Variants in SH3PXD2A observed in about 807,000 individuals in gnomAD.
The protein encoded by SH3PXD2A is SH3 and PX domains 2A, also known as SH3 and PX domain-containing protein 2A.
A neutral mutation model predicts 115.2 loss-of-function variants in SH3PXD2A; 32 were observed. The observed-to-expected ratio is 0.28, with a 90% CI of 0.21 to 0.37. The LOEUF (loss-of-function observed/expected upper bound fraction) is 0.37, where lower values mean the gene tolerates loss of function less well. Among genes scored for constraint, SH3PXD2A ranks in the 10% least tolerant of loss-of-function variants. The pLI, the probability that SH3PXD2A is intolerant of heterozygous loss-of-function variation, is 1.00. For missense variants in SH3PXD2A, 1,328 were observed against 1,498.7 expected (o/e 0.89, Z 1.88); for synonymous variants, 610 against 629.1 (o/e 0.97, Z 0.45).
intron 8 of SH3PXD2A, among the ~76,000 whole-genome samples, chr10:103,659,823 G>GA (rs1277760826): frequency 2.6e-5 from 4 of 152,280 alleles, no homozygotes; most frequent in Admixed American, 6.5e-5. Flanking sequence ...ACTGGTGGCA[G>GA]GAGCCTGCAC....
At chr10:103,819,670 G>A (rs939379227) in intron 1 of SH3PXD2A, among the ~76,000 whole-genome samples, 3 of 152,110 alleles carry the variant, frequency 2.0e-5, no homozygotes, top group South Asian at 2.1e-4. Flanking sequence ...AGAGAGAGGC[G>A]AGAACAGGTG....
chr10:103,761,802 T>A (rs1214191727), intron 3 of SH3PXD2A, among the ~76,000 whole-genome samples: 1 of 152,168 alleles, frequency 6.6e-6, no homozygotes, highest in Non-Finnish European at 1.5e-5. Context: ...AGAGTCTAGC[T>A]GAGGCTGTTG....
At chr10:103,814,485 G>A (rs1217812314) in intron 1 of SH3PXD2A, among the ~76,000 whole-genome samples, 3 of 152,218 alleles carry the variant, frequency 2.0e-5, no homozygotes, top group Admixed American at 6.5e-5. Flanking sequence ...TGGGGAAGCA[G>A]GTCTCTGTCC....
chr10:103,602,291 G>T lies in SH3PXD2A; in HGVS notation c.2927C>A (p.Ala976Glu). 1.9e-6 allele frequency: 3 copies of T among 1,613,394 alleles called. No individual in the cohort carries two copies. The highest frequency in any genetic ancestry group is 2.5e-6 in the Non-Finnish European group (3 of 1,179,868). ...VKMRNGVRQVAVRPQSVFVSP... is the reference protein window; with the variant it reads ...VKMRNGVRQVEVRPQSVFVSP... ...CACAAACACCGACTGGGGCCTGACC[G>T]CCACCTGCCGCACTCCGTTCCTCAT... The change falls in exon 15 of 15, where the codon GCG becomes GAG. Residue 976 changes from alanine to glutamate, a missense_variant. Around this residue, in one of 5 missense-constraint regions of SH3PXD2A, gnomAD observed 574 missense variants for 565.7 expected, o/e 1.01. Transcript: ENST00000369774.
At chr10:103,726,596 G>T (rs1186709374) in intron 4 of SH3PXD2A, among the ~76,000 whole-genome samples, 1 of 152,192 alleles carries the variant, frequency 6.6e-6, no homozygotes, top group African/African-American at 2.4e-5. Context: ...AATGAAAAAT[G>T]GATAAGGTAG....
chr10:103,617,405 C>T, intron 10 of SH3PXD2A, 91 bp from the exon 11 acceptor site: 1 of 897,140 alleles, frequency 1.1e-6, no homozygotes, highest in Non-Finnish European at 1.8e-6. Context: ...CTGGCTTTTG[C>T]TCAACTGCTT....
At chr10:103,849,054 T>G (rs1842874289) in intron 1 of SH3PXD2A, among the ~76,000 whole-genome samples, 1 of 142,094 alleles carries the variant, frequency 7.0e-6, no homozygotes, top group Non-Finnish European at 1.5e-5. Flanking sequence ...GGGGCCAGGA[T>G]ATCCCAATGC....
At chr10:103,740,141 G>A (rs1564877477) in intron 3 of SH3PXD2A, among the ~76,000 whole-genome samples, 4 of 152,202 alleles carry the variant, frequency 2.6e-5, no homozygotes, top group Admixed American at 1.3e-4. Flanking sequence ...GCTTTTCACT[G>A]AATTCCCTCC....
chr10:103,639,852 G>T (rs1746024556), intron 8 of SH3PXD2A, among the ~76,000 whole-genome samples: 1 of 152,128 alleles, frequency 6.6e-6, no homozygotes, highest in South Asian at 2.1e-4. Flanking sequence ...GCAAGACGAT[G>T]GAAGATGATG....
chr10:103,813,316 T>TTTTTTC (rs776539420), intron 1 of SH3PXD2A, among the ~76,000 whole-genome samples: 62 of 152,248 alleles, frequency 4.1e-4, no homozygotes, highest in Non-Finnish European at 7.8e-4. Context: ...ATAGATTTCT[T>TTTTTTC]TTTTTCTTTT....
chr10:103,640,424 A>G (rs968222229), intron 8 of SH3PXD2A, among the ~76,000 whole-genome samples: 4 of 152,084 alleles, frequency 2.6e-5, no homozygotes, highest in African/African-American at 9.7e-5. Context: ...ATTCGCTCTC[A>G]GAAGGAAGGG....
chr10:103,722,102 G>C (rs989366456), intron 5 of SH3PXD2A, among the ~76,000 whole-genome samples: 1 of 151,660 alleles, frequency 6.6e-6, no homozygotes, highest in Non-Finnish European at 1.5e-5. Context: ...TCAGGAGTTC[G>C]AGACCAACCT....
At position 103,723,795 on chromosome 10, in the gene SH3PXD2A, T is replaced by C. The variant is rs373699240; in HGVS notation, c.398+475A>G. On this transcript the variant is annotated intron_variant, in intron 5 of 14. Coordinates refer to ENST00000369774, the MANE Select transcript of SH3PXD2A (RefSeq NM_001394015.1). ...TAAAAGATACTGGGTAAATTCATTA[T>C]GATTTTTTATGATGATTATAAAATC... is the stretch of plus-strand genomic sequence containing the variant. Among the ~76,000 whole-genome samples, 3 of 152,252 alleles carry C rather than the reference T, an allele frequency of 2.0e-5. No individual in the cohort carries two copies. In the South Asian group the frequency reaches 6.2e-4, roughly 32 times the overall value.
chr10:103,605,664 T>C (rs1370096362), intron 14 of SH3PXD2A, 134 bp downstream of exon 14: 1 of 1,103,782 alleles, frequency 9.1e-7, no homozygotes, highest in East Asian at 2.4e-5. Context: ...TGCTCATCTT[T>C]GTGGGGCTCA....
At position 103,596,113 on chromosome 10, in the gene SH3PXD2A, G is replaced by A. The variant is rs1346405003; in HGVS notation, c.*5703C>T. 2.0e-5 allele frequency: 3 copies of A among 152,206 alleles called. No homozygotes were observed. Among genetic ancestry groups the A allele is most frequent in the African/African-American group, 7.2e-5 (3 of 41,442 alleles). The allele number at this position is 152,206 out of a possible 1,614,324, so 9.4% of individuals were successfully genotyped here. ...GGGACTAAACTTATATGCACCTGCA[G>A]GTCTTGTTGGGTGCACCGTGAGCAA... On this transcript the variant is annotated 3_prime_UTR_variant, in exon 15 of 15. Coordinates refer to ENST00000369774, the MANE Select transcript of SH3PXD2A (RefSeq NM_001394015.1).
intron 11 of SH3PXD2A, among the ~76,000 whole-genome samples, chr10:103,613,721 C>G (rs2036466145): frequency 6.6e-6 from 1 of 152,196 alleles, no homozygotes; most frequent in Non-Finnish European, 1.5e-5. Context: ...CAGTTTGTGT[C>G]TCTTTTGCAA....
chr10:103,843,086 G>C (rs1450267310), intron 1 of SH3PXD2A, among the ~76,000 whole-genome samples: 1 of 152,170 alleles, frequency 6.6e-6, no homozygotes, highest in African/African-American at 2.4e-5. Context: ...GCCGTTTATG[G>C]AACAGTTATC....
intron 1 of SH3PXD2A, among the ~76,000 whole-genome samples, chr10:103,840,745 A>G (rs1018240699): frequency 1.3e-5 from 2 of 152,252 alleles, no homozygotes; most frequent in Non-Finnish European, 2.9e-5. Flanking sequence ...TGGAAGGACC[A>G]TAATAGTGCT....
At chr10:103,643,733 CAATG>C (rs1190647649) in intron 8 of SH3PXD2A, among the ~76,000 whole-genome samples, 1 of 152,154 alleles carries the variant, frequency 6.6e-6, no homozygotes, top group Non-Finnish European at 1.5e-5. Context: ...CAATGCCACT[CAATG>C]CTGTGTCCGC....
Sources: gnomAD v4.1 joint callset for allele counts (sites outside exome capture counted in the v4.1 genomes callset) on GRCh38, gnomAD v4.1.1 for gene constraint, gnomAD v4.1.1 regional missense constraint, MANE v1.5 for transcripts, NCBI Gene and HGNC (gene_info 2026-07-23, HGNC 2026-07-21) for gene names.